The following ZNF704 variants were observed in gnomAD, a reference collection of about 807,000 sequenced individuals.
ZNF704 encodes glucocorticoid induced gene 1.
Under a neutral mutation model 44.7 loss-of-function variants are expected in ZNF704, and 10 were observed. The ratio of observed to expected loss-of-function variants is 0.22; its 90% CI spans 0.14 to 0.38. The LOEUF (loss-of-function observed/expected upper bound fraction) is 0.38, where lower values mean the gene tolerates loss of function less well. Ranked by LOEUF, ZNF704 falls within the 10% of genes least tolerant of loss-of-function variation. The probability of loss-of-function intolerance (pLI) is 1.00; values close to 1 mark genes in which losing one functional copy is unlikely to be tolerated. For synonymous variants in ZNF704, 211 were observed against 207.6 expected, an observed-to-expected ratio of 1.02 and a Z score of -0.14; for missense variants, 390 against 545.5, an observed-to-expected ratio of 0.71 and a Z score of 2.84.
chr8:80,807,493 T>C (rs1043941056), intron 2 of ZNF704, among the ~76,000 whole-genome samples: 1 of 152,024 alleles, frequency 6.6e-6, no homozygotes, highest in South Asian at 2.1e-4. Flanking sequence ...ACCACAACTA[T>C]TACTTCTAAG....
intron 4 of ZNF704, among the ~76,000 whole-genome samples, chr8:80,678,366 C>T (rs1415303426): frequency 6.6e-6 from 1 of 152,076 alleles, no homozygotes. Context: ...TTTGACATTC[C>T]TTTTGAATAT....
intron 2 of ZNF704, among the ~76,000 whole-genome samples, chr8:80,807,653 A>T (rs1382179352): frequency 4.0e-5 from 6 of 149,514 alleles, no homozygotes; most frequent in African/African-American, 1.0e-4. Context: ...GTTTGCATTT[A>T]AAAAAGTATA....
rs201730669 is a variant in ZNF704, at chr8:80,764,317, T to TA, written c.221+57056dup. Among the ~76,000 whole-genome samples, 45 of 152,266 alleles carry TA rather than the reference T, an allele frequency of 3.0e-4. 1 individual carries two copies. Among genetic ancestry groups the TA allele is most frequent in the African/African-American group, 4.6e-4 (19 of 41,564 alleles). On this transcript the variant is annotated intron_variant, in intron 2 of 8. Coordinates refer to ENST00000327835, the MANE Select transcript of ZNF704 (RefSeq NM_001033723.3). ...ATGGCTGAGGAGGTCTCAGGAAACT[T>TA]AGAGTCATGGTGGAAGATGAAGGGG...
At chr8:80,795,213 C>T (rs1347773485) in intron 2 of ZNF704, among the ~76,000 whole-genome samples, 1 of 152,278 alleles carries the variant, frequency 6.6e-6, no homozygotes, top group East Asian at 1.9e-4. Context: ...AATGAATGAC[C>T]TTTGGGTTTC....
chr8:80,772,778 TCTTTC>T (rs1217175710), intron 2 of ZNF704, among the ~76,000 whole-genome samples: 1 of 152,192 alleles, frequency 6.6e-6, no homozygotes, highest in Non-Finnish European at 1.5e-5. Flanking sequence ...CTTTATTATT[TCTTTC>T]CTTTGTTTGC....
intron 2 of ZNF704, among the ~76,000 whole-genome samples, chr8:80,779,507 C>T (rs1807474503): frequency 6.6e-6 from 1 of 151,902 alleles, no homozygotes; most frequent in South Asian, 2.1e-4. Flanking sequence ...TGATCAGTAC[C>T]CTATTATATA....
chr8:80,774,901 T>C (rs1807385666), intron 2 of ZNF704, among the ~76,000 whole-genome samples: 1 of 152,222 alleles, frequency 6.6e-6, no homozygotes, highest in African/African-American at 2.4e-5. Flanking sequence ...AAGTCTGGGA[T>C]ACACGAAGCG....
chr8:80,727,640 T>C (rs1806508639), intron 2 of ZNF704, among the ~76,000 whole-genome samples: 1 of 151,890 alleles, frequency 6.6e-6, no homozygotes, highest in South Asian at 2.1e-4. Context: ...AGGACGCACA[T>C]CATACAAGTG....
chr8:80,858,657 C>T (rs1392031222), intron 1 of ZNF704, among the ~76,000 whole-genome samples: 1 of 151,916 alleles, frequency 6.6e-6, no homozygotes, highest in Non-Finnish European at 1.5e-5. Flanking sequence ...TGCACTCTAG[C>T]CTGGGCAACA....
At chr8:80,710,167 G>A (rs1035172654) in intron 2 of ZNF704, among the ~76,000 whole-genome samples, 8 of 152,260 alleles carry the variant, frequency 5.3e-5, no homozygotes, top group African/African-American at 1.4e-4. Flanking sequence ...AGAACTGTTT[G>A]AGAGTCACTC....
At chr8:80,866,721 TGG>T (rs5892743) in intron 1 of ZNF704, among the ~76,000 whole-genome samples, 1 of 150,710 alleles carries the variant, frequency 6.6e-6, no homozygotes. Flanking sequence ...CTTGCGGGGT[TGG>T]GGGGGGGATA....
intron 2 of ZNF704, among the ~76,000 whole-genome samples, chr8:80,779,918 T>C (rs1807488782): frequency 6.7e-6 from 1 of 150,198 alleles, no homozygotes; most frequent in African/African-American, 2.4e-5. Context: ...AATATTAATA[T>C]TATAATAATA....
At chr8:80,840,144 A>T (rs1217395622) in intron 1 of ZNF704, among the ~76,000 whole-genome samples, 1 of 152,218 alleles carries the variant, frequency 6.6e-6, no homozygotes, top group Non-Finnish European at 1.5e-5. Flanking sequence ...AAGAGCTGAA[A>T]AAAAGATCTG....
rs1817666361 is a variant in ZNF704, at chr8:80,636,633, G to A, written c.*4733C>T. ...AGGAACAGTCCGTGCCGCTGGTAGG[G>A]CTACTTTCTTAGAGAAATGAAATTT... On this transcript the variant is annotated 3_prime_UTR_variant, in exon 9 of 9. Transcript: ENST00000327835. 1 of 152,208 alleles carries A rather than the reference G, an allele frequency of 6.6e-6. No homozygotes were observed. Among genetic ancestry groups the A allele is most frequent in the South Asian group, 2.1e-4 (1 of 4,830 alleles). The allele number at this position is 152,208 out of a possible 1,614,324, so 9.4% of individuals were successfully genotyped here.
At chr8:80,723,945 T>C (rs1806426862) in intron 2 of ZNF704, among the ~76,000 whole-genome samples, 1 of 152,216 alleles carries the variant, frequency 6.6e-6, no homozygotes, top group Non-Finnish European at 1.5e-5. Flanking sequence ...ATGAGGGAAA[T>C]GCTATTTGGT....
chr8:80,767,877 A>G (rs991715021), intron 2 of ZNF704, among the ~76,000 whole-genome samples: 1 of 152,164 alleles, frequency 6.6e-6, no homozygotes, highest in Admixed American at 6.5e-5. Context: ...TGCTTGCAGT[A>G]CACATTTTAA....
At chr8:80,659,138 CAG>C (rs1184657483) in intron 7 of ZNF704, among the ~76,000 whole-genome samples, 1 of 152,158 alleles carries the variant, frequency 6.6e-6, no homozygotes, top group African/African-American at 2.4e-5. Context: ...ATGGATTATT[CAG>C]ACTCTGAAAG....
intron 5 of ZNF704, among the ~76,000 whole-genome samples, chr8:80,669,357 A>G (rs1339307788): frequency 1.3e-5 from 2 of 152,114 alleles, no homozygotes; most frequent in Non-Finnish European, 2.9e-5. Flanking sequence ...TCCCTGAGGT[A>G]TTTCAATTGG....
At chr8:80,750,601 T>C (rs1177088516) in intron 2 of ZNF704, among the ~76,000 whole-genome samples, 1 of 151,972 alleles carries the variant, frequency 6.6e-6, no homozygotes, top group Non-Finnish European at 1.5e-5. Flanking sequence ...CTGCACTCTC[T>C]GCCTCCTGGG....
Sources: allele counts gnomAD v4.1 joint callset (sites outside exome capture counted in the v4.1 genomes callset), GRCh38; gene constraint gnomAD v4.1.1; transcripts MANE v1.5; gene names NCBI Gene and HGNC (gene_info 2026-07-23, HGNC 2026-07-21).